The following MTMR9 variants were observed in gnomAD, a reference collection of about 807,000 sequenced individuals.
MTMR9 encodes myotubularin-related protein 9.
A neutral mutation model predicts 69.5 loss-of-function variants in MTMR9; 39 were observed. The ratio of observed to expected loss-of-function variants is 0.56; its 90% CI spans 0.43 to 0.73. MTMR9 has a LOEUF of 0.73. MTMR9 is among the 30% of genes least tolerant of loss of function. The probability of loss-of-function intolerance (pLI) is 0.00; values close to 1 mark genes in which losing one functional copy is unlikely to be tolerated. For synonymous variants in MTMR9, 354 were observed against 240.8 expected (o/e 1.47, Z -4.35); for missense variants, 900 against 671.2 (o/e 1.34, Z -3.77).
In MTMR9 at chr8:11,285,240, G is replaced by A. The variant is rs1304882149; in HGVS notation, c.182+170G>A. 4.9e-6 allele frequency: 3 copies of A among 614,186 alleles called. No individual in the cohort carries two copies. In the Admixed American group the frequency reaches 1.0e-4, roughly 21 times the overall value. The allele number at this position is 614,186 out of a possible 1,614,324, so 38.0% of individuals were successfully genotyped here. A position where few individuals can be genotyped will look rare whatever the true frequency, so the allele number is the denominator to read the frequency against. ...CCAAGCTGAAACCCGTCCAGATGGA[G>A]GACCCGGTTTCCATTAAACCTGGAT... On this transcript the variant is annotated intron_variant, in intron 1 of 9. Coordinates refer to ENST00000221086, the MANE Select transcript of MTMR9 (RefSeq NM_015458.4).
rs2117473838 is a variant in MTMR9 at position 11,324,728 on chromosome 8, G to A, written c.*1940G>A. The A allele has an allele frequency of 6.6e-6, 1 of 152,306 alleles. No individual in the cohort carries two copies. Among genetic ancestry groups the A allele is most frequent in the East Asian group, 1.9e-4 (1 of 5,182 alleles). 9.4% of individuals were successfully genotyped at this position (152,306 alleles called of 1,614,324 possible). A position where few individuals can be genotyped will look rare whatever the true frequency, so the allele number is the denominator to read the frequency against. On this transcript the variant is annotated 3_prime_UTR_variant, in exon 10 of 10. Coordinates refer to ENST00000221086, the MANE Select transcript of MTMR9 (RefSeq NM_015458.4). ...TCCCATTAGCCTGGTGTGGTGGTGT[G>A]TGCCTATAGTCCCAGCCACTAGGAA...
intron 1 of MTMR9, among the ~76,000 whole-genome samples, chr8:11,288,277 G>A (rs1799259038): frequency 7.7e-6 from 1 of 129,514 alleles, no homozygotes. Flanking sequence ...TTATAATATA[G>A]TATAATATAG....
chr8:11,296,402 G>T (rs575808644), intron 2 of MTMR9, among the ~76,000 whole-genome samples: 10 of 152,226 alleles, frequency 6.6e-5, no homozygotes, highest in East Asian at 1.9e-4. Flanking sequence ...TAAAAAAATT[G>T]TGGTTAGAAA....
downstream of MTMR9, among the ~76,000 whole-genome samples, chr8:11,328,372 T>C (rs1801042847): frequency 7.3e-6 from 1 of 137,752 alleles, no homozygotes; most frequent in Admixed American, 7.0e-5. Context: ...TGTGTGTGTG[T>C]TTGTTACACT....
At chr8:11,331,274 C>T, downstream of MTMR9, 2 of 1,614,000 alleles carry the variant, frequency 1.2e-6, no homozygotes, top group Non-Finnish European at 1.7e-6. Flanking sequence ...TCGTGGGCCC[C>T]CTTTCTCGTA....
rs539513769 is a variant in MTMR9 at position 11,286,469 on chromosome 8, A to G, written c.182+1399A>G. On this transcript the variant is annotated intron_variant, in intron 1 of 9. Transcript: ENST00000221086. The stretch of plus-strand genomic sequence containing the variant: ...CACCTGAGGTTAGGAGTTTGAGACC[A>G]GCCTGACCAACATGATGAAAGCCCG... 8.0e-3 allele frequency among the ~76,000 whole-genome samples: 1,211 copies of G among 151,712 alleles called. 12 individuals carry two copies. Among genetic ancestry groups the G allele is most frequent in the Non-Finnish European group, 0.011 (767 of 67,902 alleles).
Position 11,311,551 on chromosome 8 carries a change from C to A in MTMR9, c.971+1863C>A, listed in dbSNP as rs567218825. Among the ~76,000 whole-genome samples the A allele has an allele frequency of 7.2e-5, 11 of 152,246 alleles. No homozygotes were observed. The South Asian group carries it at 1.7e-3, about 23-fold the overall frequency. On this transcript the variant is annotated intron_variant, in intron 6 of 9. Transcript: ENST00000221086. ...TGTTAATTGTGCAATAGTATTATGT[C>A]TAAAAAAACAATATACATACCTGAA...
intron 6 of MTMR9, among the ~76,000 whole-genome samples, chr8:11,310,958 G>A (rs569308247): frequency 1.4e-4 from 21 of 152,188 alleles, no homozygotes; most frequent in African/African-American, 5.1e-4. Context: ...TCTTGGGAAG[G>A]TTCAGGGTTT....
chr8:11,330,983 T>G (rs1801195151), downstream of MTMR9: 1 of 1,454,908 alleles, frequency 6.9e-7, no homozygotes, highest in Non-Finnish European at 9.1e-7. Flanking sequence ...AAAATAGGCG[T>G]GCTACCACCT....
rs765440611 is a variant in MTMR9, at chr8:11,295,179, T to G, written c.183-15T>G. 97 of 1,406,598 alleles carry G rather than the reference T, an allele frequency of 6.9e-5. 1 individual carries two copies. The Middle Eastern group carries it at 1.1e-3, about 17-fold the overall frequency. The allele number at this position is 1,406,598 out of a possible 1,614,324, so 87.1% of individuals were successfully genotyped here. On this transcript the variant is annotated splice_polypyrimidine_tract_variant and intron_variant, in intron 1 of 9. Coordinates refer to ENST00000221086, the MANE Select transcript of MTMR9 (RefSeq NM_015458.4). ...AATATATGTGTTCCTAAACATGATTTGCAATTTCTTACAGATTTGTAGGAT... is the reference window on the plus strand; with the variant it reads ...AATATATGTGTTCCTAAACATGATTGGCAATTTCTTACAGATTTGTAGGAT...
rs183852669 is a variant in MTMR9 at position 11,316,537 on chromosome 8, G to A, written c.1114-136G>A. The A allele has an allele frequency of 1.2e-3, 697 of 557,826 alleles. 3 individuals are homozygous for A. Among genetic ancestry groups the A allele is most frequent in the Middle Eastern group, 2.9e-3 (6 of 2,086 alleles). 34.6% of individuals were successfully genotyped at this position (557,826 alleles called of 1,614,324 possible). On this transcript the variant is annotated intron_variant, in intron 7 of 9. Transcript: ENST00000221086. ...TTTTATACCAAGAAATCATTAATCT[G>A]TACAACAGCTACCCTAATTATATGA...
At position 11,306,196 on chromosome 8, in the gene MTMR9, A is replaced by G. The variant is rs3021506; in HGVS notation, c.598A>G (p.Met200Val). ...AGCTTTATTATGCTTCTAGGTAATT[A>G]TGCGAAGTGGTCAGCCACTCACTGG... Reference protein sequence around the residue: ...YYHKKNGMVIMRSGQPLTGTN... With the variant: ...YYHKKNGMVIVRSGQPLTGTN... Residue 200 changes from methionine to valine, a missense_variant, in exon 5 of 10, where the codon ATG becomes GTG. Physicochemically the swap from Met to Val is conservative, Grantham distance 21 (BLOSUM62 1). Transcript: ENST00000221086. The G allele has an allele frequency of 6.2e-7, 1 of 1,612,726 alleles. No homozygotes were observed. The highest frequency in any genetic ancestry group is 8.5e-7 in the Non-Finnish European group (1 of 1,179,826).
Position 11,304,538 on chromosome 8 carries a change from C to T in MTMR9, c.418-303C>T, listed in dbSNP as rs1799869199. ...TACCGTGTAAAATAGGGAACTTGTA[C>T]GGTGTTGTCTGAAAGTACAGTAAAA... On this transcript the variant is annotated intron_variant, in intron 3 of 9. Transcript: ENST00000221086. Among the ~76,000 whole-genome samples, 4 of 152,268 alleles carry T rather than the reference C, an allele frequency of 2.6e-5. No homozygotes were observed. The South Asian group carries it at 6.2e-4, about 24-fold the overall frequency.
At chr8:11,321,742 ATTAGAAAAATCAACATGGGTGGG>A in intron 9 of MTMR9, 1 of 290,642 alleles carries the variant, frequency 3.4e-6, no homozygotes, top group South Asian at 3.4e-5. Context: ...AAATTCCTGA[ATTAGAAAAATCAACATGGGTGGG>A]TCAGGCTTTA....
At chr8:11,329,989 C>T (rs1213944062), downstream of MTMR9, among the ~76,000 whole-genome samples, 2 of 150,158 alleles carry the variant, frequency 1.3e-5, no homozygotes, top group Non-Finnish European at 3.0e-5. Flanking sequence ...AGTGAGGAGC[C>T]CCTCCGCCTG....
intron 9 of MTMR9, chr8:11,321,416 T>A (rs1800683301): frequency 2.2e-6 from 1 of 456,354 alleles, no homozygotes; most frequent in Non-Finnish European, 4.4e-6. Flanking sequence ...ATAACTGAAA[T>A]GAGCGTAGCT....
intron 5 of MTMR9, among the ~76,000 whole-genome samples, chr8:11,307,775 G>C (rs1424311924): frequency 6.6e-6 from 1 of 152,010 alleles, no homozygotes; most frequent in Non-Finnish European, 1.5e-5. Context: ...TTGTGGTTTT[G>C]AATTTCATTT....
chr8:11,307,327 C>T (rs993407913), intron 5 of MTMR9, among the ~76,000 whole-genome samples: 1 of 152,174 alleles, frequency 6.6e-6, no homozygotes, highest in Non-Finnish European at 1.5e-5. Context: ...CTGCCTCGGC[C>T]CCTCAAAGTG....
At chr8:11,333,211 T>C in the MTMR9 span, among the ~76,000 whole-genome samples, 1 of 152,142 alleles carries the variant, frequency 6.6e-6, no homozygotes, top group Non-Finnish European at 1.5e-5. Flanking sequence ...AGACACAGTA[T>C]ATGAAAACTA....
Sources: gnomAD v4.1 joint callset for allele counts (sites outside exome capture counted in the v4.1 genomes callset) on GRCh38, gnomAD v4.1.1 for gene constraint, MANE v1.5 for transcripts, NCBI Gene and HGNC (gene_info 2026-07-23, HGNC 2026-07-21) for gene names.